TSPAN11: variants seen among roughly 807,000 people sequenced by gnomAD.
The protein encoded by TSPAN11 is tetraspanin-11.
Under a neutral mutation model 32.9 loss-of-function variants are expected in TSPAN11, and 29 were observed. The ratio of observed to expected loss-of-function variants is 0.88; its 90% CI spans 0.66 to 1.20. TSPAN11 has a LOEUF of 1.20. Among genes scored for constraint, TSPAN11 ranks in the 50% most tolerant of loss-of-function variants. The probability of loss-of-function intolerance (pLI) is 0.00; values close to 1 mark genes in which losing one functional copy is unlikely to be tolerated. For missense variants in TSPAN11, 283 were observed against 329.1 expected, an observed-to-expected ratio of 0.86 and a Z score of 1.08; for synonymous variants, 140 against 141.3, an observed-to-expected ratio of 0.99 and a Z score of 0.07.
In TSPAN11 at chr12:30,995,661, A is replaced by C. The variant is rs889291385; in HGVS notation, c.*3746A>C. 1 of 152,166 alleles carries C rather than the reference A, an allele frequency of 6.6e-6. No individual in the cohort carries two copies. The highest frequency in any genetic ancestry group is 2.4e-5 in the African/African-American group (1 of 41,420). The allele number at this position is 152,166 out of a possible 1,614,324, so 9.4% of individuals were successfully genotyped here. A position where few individuals can be genotyped will look rare whatever the true frequency, so the allele number is the denominator to read the frequency against. On this transcript the variant is annotated 3_prime_UTR_variant, in exon 8 of 8. Coordinates refer to ENST00000546076, the MANE Select transcript of TSPAN11 (RefSeq NM_001370302.1). ...CCACCCACCCTGTCACCCACCTGGAAAACATTCTTGATATACTGGCCATGC... is the reference window on the plus strand; with the variant it reads ...CCACCCACCCTGTCACCCACCTGGACAACATTCTTGATATACTGGCCATGC...
chr12:30,938,013 A>G (rs1938082161), intron 1 of TSPAN11, among the ~76,000 whole-genome samples: 1 of 152,196 alleles, frequency 6.6e-6, no homozygotes, highest in Non-Finnish European at 1.5e-5. Context: ...CAAGAATACT[A>G]TATGGCCAGA....
At chr12:30,956,666 A>G (rs77794036) in intron 2 of TSPAN11, among the ~76,000 whole-genome samples, 8,124 of 152,210 alleles carry the variant, frequency 0.053, 478 homozygotes, top group African/African-American at 0.14. Context: ...GTAAAAGAAA[A>G]TGTGGTCCAG....
Position 30,991,988 on chromosome 12 carries a change from A to G in TSPAN11, c.*73A>G. The stretch of plus-strand genomic sequence containing the variant: ...CACATGCCATCTGCAAGGCCTGCAG[A>G]GTTAGCACCAGCTCCACTAGGGCCA... On this transcript the variant is annotated 3_prime_UTR_variant, in exon 8 of 8. Coordinates refer to ENST00000546076, the MANE Select transcript of TSPAN11 (RefSeq NM_001370302.1). 6.5e-7 allele frequency: 1 copy of G among 1,537,984 alleles called. No homozygotes were observed. The highest frequency in any genetic ancestry group is 9.0e-7 in the Non-Finnish European group (1 of 1,111,688).
chr12:30,982,744 C>T, intron 6 of TSPAN11, 54 bp downstream of exon 6: 2 of 1,506,432 alleles, frequency 1.3e-6, no homozygotes, highest in Non-Finnish European at 1.8e-6. Context: ...CCTGGCCGTT[C>T]AGGAGCCCCA....
At chr12:30,960,217 G>A (rs1351897777) in intron 2 of TSPAN11, among the ~76,000 whole-genome samples, 8 of 151,850 alleles carry the variant, frequency 5.3e-5, no homozygotes, top group Non-Finnish European at 1.2e-4. Flanking sequence ...CCATGGGTGA[G>A]CTCCTGTCCA....
chr12:30,982,716 G>T (rs982638135), intron 6 of TSPAN11, 26 bp downstream of exon 6: 4 of 1,533,956 alleles, frequency 2.6e-6, no homozygotes, highest in Middle Eastern at 2.2e-4. Context: ...CAAGTTGGGG[G>T]TGAGGAGAGG....
chr12:30,929,865 A>C (rs754544453), intron 1 of TSPAN11, among the ~76,000 whole-genome samples: 13 of 152,224 alleles, frequency 8.5e-5, no homozygotes, highest in Non-Finnish European at 1.5e-4. Context: ...TGGAAGTGGC[A>C]GCACAGCTGC....
chr12:30,929,694 T>C (rs1305576818), intron 1 of TSPAN11, among the ~76,000 whole-genome samples: 1 of 152,222 alleles, frequency 6.6e-6, no homozygotes, highest in Non-Finnish European at 1.5e-5. Context: ...CTCTGGTCTC[T>C]GAGTGATTAC....
intron 7 of TSPAN11, among the ~76,000 whole-genome samples, chr12:30,983,505 A>G (rs1939139411): frequency 6.6e-6 from 1 of 152,038 alleles, no homozygotes; most frequent in Non-Finnish European, 1.5e-5. Flanking sequence ...TTCTGGGTCC[A>G]TGTGGTTGGG....
the TSPAN11 span, among the ~76,000 whole-genome samples, chr12:31,008,486 G>T: frequency 6.6e-6 from 1 of 152,214 alleles, no homozygotes; most frequent in East Asian, 1.9e-4. Context: ...AAGCAGGGCA[G>T]CCATGAGTCA....
At chr12:31,008,395 T>C in the TSPAN11 span, among the ~76,000 whole-genome samples, 2 of 152,234 alleles carry the variant, frequency 1.3e-5, no homozygotes, top group Admixed American at 6.5e-5. Flanking sequence ...CTCTTCCCTG[T>C]CCTTCCTCAT....
chr12:30,982,226 G>C (rs1939105862), intron 5 of TSPAN11, among the ~76,000 whole-genome samples: 1 of 152,122 alleles, frequency 6.6e-6, no homozygotes, highest in South Asian at 2.1e-4. Flanking sequence ...ACTCTCTGGG[G>C]ACCCACCTCG....
chr12:31,005,617 C>A, the TSPAN11 span, among the ~76,000 whole-genome samples: 1 of 152,236 alleles, frequency 6.6e-6, no homozygotes. Context: ...CCCTCCACCA[C>A]TGAGAAGGCT....
intron 1 of TSPAN11, among the ~76,000 whole-genome samples, chr12:30,942,594 G>A (rs1938188281): frequency 6.6e-6 from 1 of 152,114 alleles, no homozygotes. Context: ...AGAAACACAG[G>A]TAGCAAACCA....
rs113586330 is a variant in TSPAN11 at position 30,961,029 on chromosome 12, G to GAA, written c.85-2784_85-2783dup. Among the ~76,000 whole-genome samples, 255 of 138,478 alleles carry GAA rather than the reference G, an allele frequency of 1.8e-3. 1 individual carries two copies. Among genetic ancestry groups the GAA allele is most frequent in the African/African-American group, 2.4e-3 (87 of 36,570 alleles). 90.8% of individuals were successfully genotyped at this position (138,478 alleles called of 152,430 possible). ...ACTCCAGACTAGGCGACAGAGCGAG[G>GAA]AAAAAAAAAAAAAAGAAAAATGTAG... On this transcript the variant is annotated intron_variant, in intron 2 of 7. Transcript: ENST00000546076.
intron 6 of TSPAN11, 75 bp from the exon 7 acceptor site, chr12:30,982,989 A>C: frequency 6.8e-7 from 1 of 1,462,178 alleles, no homozygotes; most frequent in Non-Finnish European, 9.4e-7. Flanking sequence ...CCTCTGCTGC[A>C]GTGACAGCCC....
rs1938947505 is a variant in TSPAN11 at position 30,975,407 on chromosome 12, C to T, written c.277-3154C>T. On this transcript the variant is annotated intron_variant, in intron 3 of 7. Coordinates refer to ENST00000546076, the MANE Select transcript of TSPAN11 (RefSeq NM_001370302.1). The surrounding 1 kb of genome is among the most constrained non-coding windows in gnomAD (Gnocchi z 4.5). ...TGCCCACCAGCACCCGGCCTCAGTC[C>T]CCTTGAAGCCCCAGGCCAGGCCCTC... Among the ~76,000 whole-genome samples, 1 of 152,086 alleles carries T rather than the reference C, an allele frequency of 6.6e-6. No individual in the cohort carries two copies. The highest frequency in any genetic ancestry group is 2.4e-5 in the African/African-American group (1 of 41,410).
chr12:31,002,365 A>C, the TSPAN11 span, among the ~76,000 whole-genome samples: 12 of 152,144 alleles, frequency 7.9e-5, no homozygotes, highest in Admixed American at 2.6e-4. The surrounding 1 kb of genome is among the most constrained non-coding windows in gnomAD (Gnocchi z 4.8). Context: ...CTCGTTCTTT[A>C]TGCCTGCCTC....
intron 4 of TSPAN11, 123 bp from the exon 5 acceptor site, chr12:30,979,443 C>A: frequency 1.2e-6 from 1 of 854,602 alleles, no homozygotes; most frequent in Non-Finnish European, 1.9e-6. Flanking sequence ...GAAACCTCCG[C>A]ATCACACCAT....
Sources: allele counts gnomAD v4.1 joint callset (sites outside exome capture counted in the v4.1 genomes callset), GRCh38; gene constraint gnomAD v4.1.1; non-coding constraint Gnocchi (gnomAD v3.1); transcripts MANE v1.5; gene names NCBI Gene and HGNC (gene_info 2026-07-23, HGNC 2026-07-21).